SGCD: variants seen among roughly 807,000 people sequenced by gnomAD.
The protein encoded by SGCD is sarcoglycan delta.
In SGCD, 18 loss-of-function variants were observed where a neutral mutation model predicts 36.6. The observed-to-expected ratio is 0.49, with a 90% CI of 0.34 to 0.73. The LOEUF (loss-of-function observed/expected upper bound fraction) is 0.73, where lower values mean the gene tolerates loss of function less well. SGCD is among the 30% of genes least tolerant of loss of function. The pLI is 0.01. For missense variants in SGCD, 387 were observed against 346.7 expected, an observed-to-expected ratio of 1.12 and a Z score of -0.92; for synonymous variants, 133 against 130.6, an observed-to-expected ratio of 1.02 and a Z score of -0.12.
Position 156,329,557 on chromosome 5 carries a change from A to C in SGCD, c.-20A>C. ...AGAGACATTACTGCCGGGAGTGTTG[A>C]GTGAAGGGACCAGGTGGAGATGGTG... On this transcript the variant is annotated 5_prime_UTR_variant, in exon 2 of 9. Coordinates refer to ENST00000337851, the MANE Select transcript of SGCD (RefSeq NM_000337.6). The C allele has an allele frequency of 1.2e-6, 2 of 1,613,232 alleles. No individual in the cohort carries two copies. Among genetic ancestry groups the C allele is most frequent in the Non-Finnish European group, 8.5e-7 (1 of 1,179,302 alleles).
chr5:156,540,972 G>T (rs1581140080), intron 4 of SGCD, among the ~76,000 whole-genome samples: 1 of 152,246 alleles, frequency 6.6e-6, no homozygotes, highest in African/African-American at 2.4e-5. Context: ...TATCCATTTT[G>T]TTAAGAACTA....
intron 3 of SGCD, among the ~76,000 whole-genome samples, chr5:156,426,709 T>C (rs1378223736): frequency 6.6e-6 from 1 of 152,142 alleles, no homozygotes; most frequent in Admixed American, 6.6e-5. Context: ...TAGATTTAAG[T>C]ATTTGATCCA....
At chr5:156,173,261 A>G (rs551024991) in intron 3 of SGCD, among the ~76,000 whole-genome samples, 82 of 152,310 alleles carry the variant, frequency 5.4e-4, no homozygotes, top group African/African-American at 1.9e-3. Context: ...ATGGACAAAA[A>G]ATACCACATG....
chr5:156,351,437 A>G (rs1009232157), intron 3 of SGCD, among the ~76,000 whole-genome samples: 3 of 152,042 alleles, frequency 2.0e-5, no homozygotes, highest in Admixed American at 2.0e-4. Flanking sequence ...GTCTCTTACT[A>G]TGTGATTTTT....
intron 3 of SGCD, among the ~76,000 whole-genome samples, chr5:156,199,180 A>G (rs116659662): frequency 0.015 from 2,316 of 152,218 alleles, 26 homozygotes; most frequent in Non-Finnish European, 0.026. Flanking sequence ...ATTTCTCAAC[A>G]CTTAGCTTTA....
chr5:156,744,884 G>T (rs570673895), intron 7 of SGCD, among the ~76,000 whole-genome samples: 1 of 152,162 alleles, frequency 6.6e-6, no homozygotes. Flanking sequence ...TGGAAACCTG[G>T]ACCTCCAGTG....
intron 6 of SGCD, among the ~76,000 whole-genome samples, chr5:156,646,719 A>G (rs982612795): frequency 1.6e-4 from 25 of 152,328 alleles, no homozygotes; most frequent in African/African-American, 3.8e-4. Flanking sequence ...ATCTTGTGCA[A>G]TTGTCTGTGA....
intron 1 of SGCD, among the ~76,000 whole-genome samples, chr5:156,027,450 A>G (rs1210576795): frequency 6.6e-6 from 1 of 152,214 alleles, no homozygotes; most frequent in African/African-American, 2.4e-5. Flanking sequence ...CTCCTACTCT[A>G]CAACTCTTAT....
intron 7 of SGCD, among the ~76,000 whole-genome samples, chr5:156,692,920 AATT>A (rs895133540): frequency 2.5e-4 from 38 of 152,312 alleles, no homozygotes; most frequent in African/African-American, 8.9e-4. Context: ...CTCAGCTTGC[AATT>A]ATTATGCACT....
chr5:156,616,678 A>G (rs1209867833), intron 6 of SGCD, among the ~76,000 whole-genome samples: 2 of 152,188 alleles, frequency 1.3e-5, no homozygotes, highest in Non-Finnish European at 2.9e-5. Flanking sequence ...AAGATGTACT[A>G]ATGGCCTCTT....
chr5:156,621,498 A>T (rs1270747636), intron 6 of SGCD, among the ~76,000 whole-genome samples: 4 of 149,346 alleles, frequency 2.7e-5, no homozygotes, highest in Non-Finnish European at 5.9e-5. Flanking sequence ...GCCAAAAGAC[A>T]GATGTTTTAA....
intron 3 of SGCD, among the ~76,000 whole-genome samples, chr5:156,463,690 T>C (rs1754596922): frequency 1.3e-5 from 2 of 151,952 alleles, no homozygotes; most frequent in Admixed American, 1.3e-4. Context: ...TCCAGATGGG[T>C]GTGATAAAAA....
At chr5:156,194,945 AT>A (rs1763987581) in intron 3 of SGCD, among the ~76,000 whole-genome samples, 1 of 152,234 alleles carries the variant, frequency 6.6e-6, no homozygotes. Context: ...TCAGTCAATA[AT>A]AGCTGTGGCA....
intron 3 of SGCD, among the ~76,000 whole-genome samples, chr5:156,466,219 A>G (rs1297660700): frequency 6.6e-6 from 1 of 152,166 alleles, no homozygotes; most frequent in Non-Finnish European, 1.5e-5. Flanking sequence ...TTAACTGGCG[A>G]ACTATAGGGG....
intron 1 of SGCD, among the ~76,000 whole-genome samples, chr5:155,920,530 T>C (rs1474099401): frequency 6.6e-6 from 1 of 152,034 alleles, no homozygotes; most frequent in African/African-American, 2.4e-5. Flanking sequence ...GACAATCCTA[T>C]AGAAAAGTGA....
At chr5:155,880,524 G>A (rs1755860811) in intron 1 of SGCD, among the ~76,000 whole-genome samples, 1 of 152,090 alleles carries the variant, frequency 6.6e-6, no homozygotes, top group Admixed American at 6.5e-5. Context: ...CTGTCACAGA[G>A]CACTGCCAAA....
chr5:155,846,819 A>G, the SGCD span, among the ~76,000 whole-genome samples: 1 of 152,140 alleles, frequency 6.6e-6, no homozygotes. Context: ...AGACCCTATC[A>G]TATTGGCTAG....
At position 156,344,727 on chromosome 5, in the gene SGCD, G is replaced by A. The variant is rs373175836; in HGVS notation, c.192+50G>A. Reference sequence around the variant, plus strand: ...TTAGCTTTCTTCCGGGAGGGGAAGCGTGGGGCAAGATGATGAAGGAATGTG... The same window carrying A: ...TTAGCTTTCTTCCGGGAGGGGAAGCATGGGGCAAGATGATGAAGGAATGTG... On this transcript the variant is annotated intron_variant, in intron 3 of 8. Transcript: ENST00000337851. The A allele has an allele frequency of 2.6e-4, 358 of 1,383,674 alleles. 3 individuals carry two copies. Among genetic ancestry groups the A allele is most frequent in the Non-Finnish European group, 3.4e-4 (334 of 991,834 alleles). The allele number at this position is 1,383,674 out of a possible 1,614,324, so 85.7% of individuals were successfully genotyped here. A position where few individuals can be genotyped will look rare whatever the true frequency, so the allele number is the denominator to read the frequency against.
intron 7 of SGCD, among the ~76,000 whole-genome samples, chr5:156,651,242 C>T (rs1481191001): frequency 1.3e-5 from 2 of 151,970 alleles, no homozygotes; most frequent in Admixed American, 1.3e-4. Flanking sequence ...TATTTTCTTC[C>T]ATTTTGTAGA....
Sources: allele counts gnomAD v4.1 joint callset (sites outside exome capture counted in the v4.1 genomes callset), GRCh38; gene constraint gnomAD v4.1.1; transcripts MANE v1.5; gene names NCBI Gene and HGNC (gene_info 2026-07-23, HGNC 2026-07-21).